Variants in DSCAML1 observed in about 807,000 individuals in gnomAD.
DSCAML1 encodes cell adhesion molecule DSCAML1.
DSCAML1 carries 38 observed loss-of-function variants against 200.5 expected under a neutral mutation model. The observed-to-expected ratio is 0.19, with a 90% confidence interval of 0.15 to 0.25. DSCAML1 has a LOEUF of 0.25. Among genes scored for constraint, DSCAML1 ranks in the 10% least tolerant of loss-of-function variants. DSCAML1 has a pLI of 1.00. For missense variants in DSCAML1, 2,223 were observed against 2,858.8 expected (o/e 0.78, Z 5.07); for synonymous variants, 1,215 against 1,165.0 (o/e 1.04, Z -0.87).
intron 4 of DSCAML1, among the ~76,000 whole-genome samples, chr11:117,525,773 C>G (rs2049967913): frequency 6.6e-6 from 1 of 152,200 alleles, no homozygotes; most frequent in African/African-American, 2.4e-5. Context: ...TCCCTGGATT[C>G]TGGCCCAGGC....
intron 3 of DSCAML1, among the ~76,000 whole-genome samples, chr11:117,583,015 A>ATTATTATTATTATTATTG (rs1435481649): frequency 2.7e-5 from 4 of 150,754 alleles, no homozygotes; most frequent in Non-Finnish European, 5.9e-5. Flanking sequence ...TATTATTATT[A>ATTATTATTATTATTATTG]TTATTGTAGC....
At position 117,437,129 on chromosome 11, in the gene DSCAML1, G is replaced by A. The variant is rs750769533; in HGVS notation, c.4713C>T (p.Tyr1571=). 1.2e-5 allele frequency: 20 copies of A among 1,611,712 alleles called. No homozygotes were observed. Among genetic ancestry groups the A allele is most frequent in the South Asian group, 1.1e-4 (10 of 90,996 alleles). Residue 1571 remains tyrosine, a synonymous_variant, in exon 26 of 33, where the codon TAC becomes TAT. Transcript: ENST00000651296. This position sits in a 1 kb window ranked among gnomAD's most constrained non-coding sequence, Gnocchi z 5.3. Reference sequence around the variant, plus strand: ...TCCACCCTTGCGACTCACTGCCATCGTAGTCCAGGGTGGCGAACTGGGCTG... The same window carrying A: ...TCCACCCTTGCGACTCACTGCCATCATAGTCCAGGGTGGCGAACTGGGCTG... ...NETAQFATLD[Y]DGSTIPPIKS...
At chr11:117,597,054 T>C (rs185930006) in intron 3 of DSCAML1, among the ~76,000 whole-genome samples, 11 of 152,368 alleles carry the variant, frequency 7.2e-5, no homozygotes, top group African/African-American at 2.6e-4. Flanking sequence ...TGGATGGTGC[T>C]GCGGCTGGAA....
At chr11:117,764,039 T>G (rs905276884) in intron 3 of DSCAML1, among the ~76,000 whole-genome samples, 2 of 152,166 alleles carry the variant, frequency 1.3e-5, no homozygotes, top group African/African-American at 4.8e-5. Context: ...GTTGTTTCCT[T>G]GTGTTGGGGT....
At chr11:117,797,575 G>A (rs1187469491), upstream of DSCAML1, among the ~76,000 whole-genome samples, 1 of 152,142 alleles carries the variant, frequency 6.6e-6, no homozygotes, top group Non-Finnish European at 1.5e-5. Context: ...GCCTCTTTCG[G>A]ACTCAGCTTA....
intron 3 of DSCAML1, among the ~76,000 whole-genome samples, chr11:117,631,617 T>C (rs1435242605): frequency 1.3e-5 from 2 of 152,328 alleles, no homozygotes; most frequent in Middle Eastern, 3.4e-3. Context: ...ACAGAATACA[T>C]TAGAATATCA....
chr11:117,646,255 A>ATCCC (rs2052520078), intron 3 of DSCAML1, among the ~76,000 whole-genome samples: 2 of 151,694 alleles, frequency 1.3e-5, no homozygotes, highest in Admixed American at 1.3e-4. Flanking sequence ...ATGGGAAGGG[A>ATCCC]GGGAGGTGGC....
intron 3 of DSCAML1, among the ~76,000 whole-genome samples, chr11:117,625,238 GC>G (rs2052018816): frequency 2.0e-5 from 3 of 152,030 alleles, no homozygotes; most frequent in Admixed American, 1.3e-4. Flanking sequence ...GGGATTTCAG[GC>G]CCGGGGAAAG....
intron 3 of DSCAML1, among the ~76,000 whole-genome samples, chr11:117,715,344 G>A (rs4936398): frequency 0.8 from 121,977 of 151,946 alleles, 52,022 homozygotes; most frequent in Non-Finnish European, 0.94. Flanking sequence ...CAGGAAAAAC[G>A]GAGCCTCCTG....
chr11:117,434,036 G>C (rs2047857294), intron 27 of DSCAML1, among the ~76,000 whole-genome samples: 6 of 152,190 alleles, frequency 3.9e-5, no homozygotes, highest in Admixed American at 2.6e-4. Context: ...CTCAGGTTAG[G>C]AATTTGGAAG....
intron 3 of DSCAML1, among the ~76,000 whole-genome samples, chr11:117,758,112 C>T (rs993869054): frequency 1.3e-5 from 2 of 151,810 alleles, no homozygotes; most frequent in Non-Finnish European, 2.9e-5. Context: ...ACCAGCCTGG[C>T]CAAGATGGTG....
At chr11:117,803,743 A>G (rs2055682512) in intron 1 of DSCAML1, among the ~76,000 whole-genome samples, 1 of 152,206 alleles carries the variant, frequency 6.6e-6, no homozygotes, top group Non-Finnish European at 1.5e-5. Context: ...CTGTATGTCA[A>G]TCATGTATTT....
At chr11:117,809,739 C>G (rs534562419) in intron 1 of DSCAML1, among the ~76,000 whole-genome samples, 1 of 152,190 alleles carries the variant, frequency 6.6e-6, no homozygotes, top group African/African-American at 2.4e-5. Context: ...CGCCGCGCAG[C>G]GCTCCAGATG....
intron 3 of DSCAML1, among the ~76,000 whole-genome samples, chr11:117,622,746 A>G (rs900071439): frequency 6.6e-6 from 1 of 152,142 alleles, no homozygotes; most frequent in Non-Finnish European, 1.5e-5. Context: ...GTTCAAGTTC[A>G]TCTCAACTAC....
intron 22 of DSCAML1, 91 bp downstream of exon 22, chr11:117,439,728 A>C: frequency 7.9e-7 from 1 of 1,261,526 alleles, no homozygotes; most frequent in African/African-American, 1.5e-5. Context: ...CCGGGTCACC[A>C]GGCAGGAGGG....
chr11:117,745,065 A>C (rs1012416977), intron 3 of DSCAML1, among the ~76,000 whole-genome samples: 2 of 152,100 alleles, frequency 1.3e-5, no homozygotes, highest in African/African-American at 4.8e-5. Flanking sequence ...TGAGTGGGGG[A>C]AGCCAGGCAT....
intron 14 of DSCAML1, among the ~76,000 whole-genome samples, chr11:117,477,226 C>T (rs1026818135): frequency 6.1e-5 from 9 of 146,900 alleles, no homozygotes; most frequent in Non-Finnish European, 1.2e-4. Context: ...CACACACACA[C>T]GTGCACACTC....
chr11:117,458,333 G>A (rs1010701660), intron 19 of DSCAML1, among the ~76,000 whole-genome samples: 2 of 152,136 alleles, frequency 1.3e-5, no homozygotes, highest in African/African-American at 2.4e-5. Flanking sequence ...ACCATGCTGC[G>A]GCCTCTGTGG....
intron 3 of DSCAML1, among the ~76,000 whole-genome samples, chr11:117,578,236 G>GGAAAAAAAAAA: frequency 9.9e-6 from 1 of 101,410 alleles, no homozygotes; most frequent in African/African-American, 4.4e-5. Flanking sequence ...ACTCTGTCTC[G>GGAAAAAAAAAA]AAAAAAAAAA....
Sources: allele counts gnomAD v4.1 joint callset (sites outside exome capture counted in the v4.1 genomes callset), GRCh38; gene constraint gnomAD v4.1.1; non-coding constraint Gnocchi (gnomAD v3.1); transcripts MANE v1.5; gene names NCBI Gene and HGNC (gene_info 2026-07-23, HGNC 2026-07-21).